Variants in VWF observed in about 807,000 individuals in gnomAD.
VWF encodes Factor VIII related antigen.
VWF carries 176 observed loss-of-function variants against 308.6 expected under a neutral mutation model. The observed-to-expected ratio is 0.57, with a 90% confidence interval of 0.50 to 0.65. The LOEUF (loss-of-function observed/expected upper bound fraction) is 0.65. Among genes scored for constraint, VWF ranks in the 30% least tolerant of loss-of-function variants. The pLI, the probability that VWF is intolerant of heterozygous loss-of-function variation, is 0.00. For synonymous variants in VWF, 1,385 were observed against 1,443.4 expected, an observed-to-expected ratio of 0.96 and a Z score of 0.92; for missense variants, 3,146 against 3,648.2, an observed-to-expected ratio of 0.86 and a Z score of 3.55.
In VWF at chr12:6,058,249, C is replaced by G. The variant is rs1944612954; in HGVS notation, c.1534-205G>C. 6.6e-6 allele frequency among the ~76,000 whole-genome samples: 1 copy of G among 152,236 alleles called. No individual in the cohort carries two copies. The highest frequency in any genetic ancestry group is 1.5e-5 in the Non-Finnish European group (1 of 68,040). ...CAGTGTAAATTTACCAGCTCCATCC[C>G]TGTTCCCAAATCATCAGAGCCCTGT... On this transcript the variant is annotated intron_variant, in intron 13 of 51. Coordinates refer to ENST00000261405, the MANE Select transcript of VWF (RefSeq NM_000552.5). This position sits in a 1 kb window ranked among gnomAD's most constrained non-coding sequence, Gnocchi z 4.9.
intron 5 of VWF, among the ~76,000 whole-genome samples, chr12:6,098,059 G>T (rs1945124247): frequency 6.6e-6 from 1 of 152,172 alleles, no homozygotes; most frequent in Non-Finnish European, 1.5e-5. Flanking sequence ...TTACAGGCTA[G>T]ATCTGAAACG....
In VWF at chr12:6,052,788, A is replaced by G. The variant is rs201739854; in HGVS notation, c.1946-5T>C. ...GGCCTTTCGGGCAGTTCAGCTCTAG[A>G]AGAGAGAGGAGAAGTAAGGCCTCAG... On this transcript the variant is annotated splice_polypyrimidine_tract_variant and splice_region_variant and intron_variant, in intron 15 of 51. Transcript: ENST00000261405. 3.7e-5 allele frequency: 55 copies of G among 1,504,806 alleles called. No individual in the cohort carries two copies. In the African/African-American group the frequency reaches 1.2e-3, roughly 34 times the overall value. 93.2% of individuals were successfully genotyped at this position (1,504,806 alleles called of 1,614,324 possible). A position where few individuals can be genotyped will look rare whatever the true frequency, so the allele number is the denominator to read the frequency against.
intron 50 of VWF, among the ~76,000 whole-genome samples, chr12:5,951,365 A>T (rs537161845): frequency 2.6e-5 from 4 of 152,346 alleles, no homozygotes; most frequent in African/African-American, 9.6e-5. Flanking sequence ...GTTGTCAGCC[A>T]GCTGGTGGCT....
At chr12:6,098,805 A>G (rs1945131546) in intron 5 of VWF, among the ~76,000 whole-genome samples, 1 of 151,886 alleles carries the variant, frequency 6.6e-6, no homozygotes, top group African/African-American at 2.4e-5. Context: ...AGACAAAAAG[A>G]AAGAGGGGGA....
intron 51 of VWF, 75 bp from the exon 52 acceptor site, chr12:5,949,278 C>T: frequency 6.6e-7 from 1 of 1,507,326 alleles, no homozygotes; most frequent in Non-Finnish European, 9.1e-7. Context: ...CTGGGGCAGC[C>T]TGCTTTCTCC....
At chr12:6,083,961 A>G (rs1173336229) in intron 6 of VWF, among the ~76,000 whole-genome samples, 1 of 152,220 alleles carries the variant, frequency 6.6e-6, no homozygotes, top group East Asian at 1.9e-4. Context: ...AGAAGCCCCC[A>G]CTGGGGACAA....
intron 38 of VWF, among the ~76,000 whole-genome samples, chr12:5,988,954 A>G (rs541293396): frequency 6.6e-6 from 1 of 152,374 alleles, no homozygotes; most frequent in South Asian, 2.1e-4. Context: ...AAGGTCAAAG[A>G]AGGACACAAG....
At chr12:5,964,178 C>T (rs1943354236) in intron 47 of VWF, among the ~76,000 whole-genome samples, 1 of 142,536 alleles carries the variant, frequency 7.0e-6, no homozygotes, top group Non-Finnish European at 1.6e-5. Context: ...GATCTCACCA[C>T]TGCACTCCAG....
intron 34 of VWF, among the ~76,000 whole-genome samples, chr12:6,003,348 G>A (rs879797422): frequency 7.9e-5 from 12 of 151,852 alleles, no homozygotes; most frequent in Non-Finnish European, 1.5e-4. Context: ...GGATAGAGCT[G>A]TATAAGAGCA....
At chr12:5,974,617 T>C (rs1943512500) in intron 43 of VWF, among the ~76,000 whole-genome samples, 2 of 152,222 alleles carry the variant, frequency 1.3e-5, no homozygotes, top group South Asian at 2.1e-4. Flanking sequence ...TAAGTCAGAC[T>C]GGACAGGGAT....
At chr12:6,065,999 AC>A (rs1259288657) in intron 10 of VWF, among the ~76,000 whole-genome samples, 3 of 152,312 alleles carry the variant, frequency 2.0e-5, no homozygotes, top group Admixed American at 1.3e-4. Flanking sequence ...TCTCACCACC[AC>A]CCAGGCAGTG....
At chr12:6,107,867 C>T (rs1316778656) in intron 5 of VWF, among the ~76,000 whole-genome samples, 5 of 151,998 alleles carry the variant, frequency 3.3e-5, no homozygotes, top group African/African-American at 7.2e-5. Context: ...ACCGTGGTAG[C>T]CAGGATAGTC....
intron 15 of VWF, among the ~76,000 whole-genome samples, chr12:6,055,761 T>TACACAC (rs35414262): frequency 0.11 from 14,336 of 135,164 alleles, 876 homozygotes; most frequent in Non-Finnish European, 0.12. Flanking sequence ...TATATATGTA[T>TACACAC]ACACACACAC....
chr12:6,109,882 C>A (rs1945286122), intron 5 of VWF, among the ~76,000 whole-genome samples: 1 of 152,206 alleles, frequency 6.6e-6, no homozygotes, highest in African/African-American at 2.4e-5. Flanking sequence ...AATCTCCTGA[C>A]CTCATGATCC....
intron 45 of VWF, among the ~76,000 whole-genome samples, 198 bp downstream of exon 45, chr12:5,969,013 G>A (rs1226742382): frequency 2.0e-5 from 3 of 152,190 alleles, no homozygotes; most frequent in Non-Finnish European, 2.9e-5. Context: ...GTCTTGCCAT[G>A]TAGTGATCTT....
chr12:6,109,002 C>G (rs116653965), intron 5 of VWF, among the ~76,000 whole-genome samples: 2,614 of 148,934 alleles, frequency 0.018, 72 homozygotes, highest in African/African-American at 0.059. Flanking sequence ...AAAAAAAATT[C>G]AAACTTTTGA....
intron 34 of VWF, among the ~76,000 whole-genome samples, chr12:5,998,157 A>G (rs1278535887): frequency 6.6e-6 from 1 of 152,108 alleles, no homozygotes; most frequent in Non-Finnish European, 1.5e-5. Context: ...CAAATGTTCA[A>G]AAAGACGTCC....
intron 16 of VWF, among the ~76,000 whole-genome samples, chr12:6,047,794 T>C (rs1381125043): frequency 6.6e-6 from 1 of 152,266 alleles, no homozygotes; most frequent in African/African-American, 2.4e-5. Context: ...CTGTGACTTC[T>C]GTTGCACAAT....
chr12:6,079,536 G>T (rs1858439430), intron 6 of VWF, among the ~76,000 whole-genome samples: 1 of 152,030 alleles, frequency 6.6e-6, no homozygotes, highest in African/African-American at 2.4e-5. Flanking sequence ...CATGAAGCCG[G>T]GAGGCAACGC....
Sources: gnomAD v4.1 joint callset for allele counts (sites outside exome capture counted in the v4.1 genomes callset) on GRCh38, gnomAD v4.1.1 for gene constraint, Gnocchi (gnomAD v3.1) non-coding constraint, MANE v1.5 for transcripts, NCBI Gene and HGNC (gene_info 2026-07-23, HGNC 2026-07-21) for gene names.